The following ACSBG2 variants were observed in gnomAD, a reference collection of about 807,000 sequenced individuals.
ACSBG2 encodes acyl-CoA synthetase bubblegum family member 2, also known as long-chain-fatty-acid--CoA ligase ACSBG2.
ACSBG2 carries 62 observed loss-of-function variants against 74.7 expected under a neutral mutation model. That is an observed-to-expected ratio of 0.83 (90% confidence interval 0.68 to 1.03). The LOEUF is 1.03. ACSBG2 is among the 50% of genes least tolerant of loss of function. The pLI, the probability that ACSBG2 is intolerant of heterozygous loss-of-function variation, is 0.00. For synonymous variants in ACSBG2, 309 were observed against 294.1 expected (o/e 1.05, Z -0.52); for missense variants, 730 against 817.6 (o/e 0.89, Z 1.31).
chr19:6,184,832 GAAAAAAAAAAAAAAAAAAA>G (rs371866289), intron 10 of ACSBG2, among the ~76,000 whole-genome samples: 56 of 13,532 alleles, frequency 4.1e-3, no homozygotes, highest in East Asian at 8.7e-3. Flanking sequence ...ATGTGGAGAT[GAAAAAAAAAAAAAAAAAAA>G]AAAAAAAAAA....
At chr19:6,163,699 G>A (rs1307049531) in intron 6 of ACSBG2, among the ~76,000 whole-genome samples, 1 of 150,676 alleles carries the variant, frequency 6.6e-6, no homozygotes, top group East Asian at 2.0e-4. Context: ...CAAGAGCAGT[G>A]AGCGGAGATC....
At chr19:6,162,918 G>A (rs1294809233) in intron 6 of ACSBG2, among the ~76,000 whole-genome samples, 5 of 151,864 alleles carry the variant, frequency 3.3e-5, no homozygotes, top group Admixed American at 2.0e-4. Flanking sequence ...GGTTGAAGAC[G>A]CTAATTTATA....
At chr19:6,150,340 CA>C (rs780596761) in intron 3 of ACSBG2, among the ~76,000 whole-genome samples, 208 of 68,386 alleles carry the variant, frequency 3.0e-3, no homozygotes, top group East Asian at 0.028. Context: ...GGATATTTAA[CA>C]AAAAAAAAAA....
chr19:6,165,892 AAG>A lies in ACSBG2; in HGVS notation c.616_617del (p.Ser206TyrfsTer3). ...GGGATGATTTCATGGAACTTGGCAG[AAG>A]TATCCCTGACACCCAACTGGAGCAG... is the stretch of plus-strand genomic sequence containing the variant. ...SWDDFMELGR[S>X]IPDTQLEQVI... On this transcript the variant is annotated frameshift_variant, in exon 7 of 15. Coordinates refer to ENST00000588485, the MANE Select transcript of ACSBG2 (RefSeq NM_030924.5). LOFTEE classifies it high-confidence loss of function. The A allele has an allele frequency of 6.2e-7, 1 of 1,614,118 alleles. No individual in the cohort carries two copies.
At chr19:6,190,255 T>C (rs1016348733) in intron 13 of ACSBG2, 4 of 244,922 alleles carry the variant, frequency 1.6e-5, no homozygotes, top group Non-Finnish European at 3.3e-5. Context: ...GTCCTCTCTA[T>C]GCCCCAGTTT....
chr19:6,181,970 G>T (rs1415014883), intron 8 of ACSBG2, among the ~76,000 whole-genome samples: 1 of 152,074 alleles, frequency 6.6e-6, no homozygotes, highest in Admixed American at 6.6e-5. Flanking sequence ...TTGATAGCAG[G>T]ATGGCTAACG....
intron 7 of ACSBG2, among the ~76,000 whole-genome samples, chr19:6,173,850 G>GC (rs577383209): frequency 3.3e-5 from 5 of 152,048 alleles, no homozygotes; most frequent in African/African-American, 1.2e-4. Context: ...TGTCAGCCAC[G>GC]CTGAGCCCAA....
chr19:6,163,662 T>C (rs1372527083), intron 6 of ACSBG2, among the ~76,000 whole-genome samples: 3 of 150,072 alleles, frequency 2.0e-5, no homozygotes, highest in Non-Finnish European at 4.4e-5. Context: ...AATCACTTGA[T>C]CCCAAGAGGC....
intron 7 of ACSBG2, among the ~76,000 whole-genome samples, chr19:6,173,046 G>A (rs1334046746): frequency 3.3e-5 from 5 of 152,144 alleles, no homozygotes; most frequent in Non-Finnish European, 5.9e-5. Flanking sequence ...CCTTCTCCAT[G>A]TCTTTTCCCA....
intron 4 of ACSBG2, among the ~76,000 whole-genome samples, chr19:6,152,438 C>T (rs2089272827): frequency 1.3e-5 from 1 of 75,138 alleles, no homozygotes; most frequent in East Asian, 4.2e-4. Flanking sequence ...CTACAGGCGC[C>T]CGCCACCGCG....
At chr19:6,166,280 T>TTTGTGTGTGTGTGTGTGTGTGTGTG (rs1555694318) in intron 7 of ACSBG2, among the ~76,000 whole-genome samples, 2 of 119,094 alleles carry the variant, frequency 1.7e-5, no homozygotes, top group African/African-American at 7.5e-5. Flanking sequence ...GTCAGGAAGG[T>TTTGTGTGTGTGTGTGTGTGTGTGTG]TGTGTGTGTG....
In ACSBG2 at chr19:6,180,142, T is replaced by C. The variant is rs529454453; in HGVS notation, c.907-2609T>C. Among the ~76,000 whole-genome samples the C allele has an allele frequency of 8.6e-5, 13 of 152,022 alleles. No individual in the cohort carries two copies. Among genetic ancestry groups the C allele is most frequent in the Admixed American group, 3.3e-4 (5 of 15,264 alleles). Reference sequence around the variant, plus strand: ...CTCTTATAAGGACCCTGTGATGACATTGGGCCACCCAGATCATCCAGGATG... The same window carrying C: ...CTCTTATAAGGACCCTGTGATGACACTGGGCCACCCAGATCATCCAGGATG... On this transcript the variant is annotated intron_variant, in intron 8 of 14. Coordinates refer to ENST00000588485, the MANE Select transcript of ACSBG2 (RefSeq NM_030924.5). This position sits in a 1 kb window ranked among gnomAD's most constrained non-coding sequence, Gnocchi z 4.3.
intron 1 of ACSBG2, among the ~76,000 whole-genome samples, chr19:6,138,786 T>C (rs1242880150): frequency 8.2e-6 from 1 of 121,370 alleles, no homozygotes; most frequent in Non-Finnish European, 1.7e-5. Context: ...AAGAAGGAAG[T>C]AGAAAGGAGG....
At chr19:6,161,321 G>T in intron 6 of ACSBG2, 26 bp downstream of exon 6, 1 of 1,589,192 alleles carries the variant, frequency 6.3e-7, no homozygotes, top group Non-Finnish European at 8.6e-7. Flanking sequence ...GGGCACTGGG[G>T]AAAGGGGAGG....
chr19:6,150,814 C>T (rs2089210726), intron 3 of ACSBG2, among the ~76,000 whole-genome samples: 1 of 152,066 alleles, frequency 6.6e-6, no homozygotes, highest in African/African-American at 2.4e-5. Context: ...CACTAAACTA[C>T]ACTCTTAAAA....
chr19:6,140,139 G>C (rs1201637059), intron 1 of ACSBG2, among the ~76,000 whole-genome samples: 1 of 151,582 alleles, frequency 6.6e-6, no homozygotes, highest in Non-Finnish European at 1.5e-5. Flanking sequence ...GCAGGAGAAT[G>C]GCGTGAACCC....
chr19:6,176,956 G>T (rs1366697664), intron 7 of ACSBG2, among the ~76,000 whole-genome samples: 1 of 151,900 alleles, frequency 6.6e-6, no homozygotes, highest in East Asian at 1.9e-4. Context: ...AGGAGTTTGA[G>T]GCCAAGCTGG....
At chr19:6,147,297 C>T (rs1484110042) in intron 2 of ACSBG2, 149 bp from the exon 3 acceptor site, 2 of 626,272 alleles carry the variant, frequency 3.2e-6, no homozygotes, top group African/African-American at 3.7e-5. Flanking sequence ...GGAAGCTTGT[C>T]TTGCCAGTGT....
At chr19:6,158,954 TTTTG>T (rs1301424489) in intron 5 of ACSBG2, among the ~76,000 whole-genome samples, 2 of 152,080 alleles carry the variant, frequency 1.3e-5, no homozygotes. Context: ...TCTTTTCTTT[TTTTG>T]TTTGTTTTTT....
Sources: allele counts gnomAD v4.1 joint callset (sites outside exome capture counted in the v4.1 genomes callset), GRCh38; gene constraint gnomAD v4.1.1; non-coding constraint Gnocchi (gnomAD v3.1); transcripts MANE v1.5; gene names NCBI Gene and HGNC (gene_info 2026-07-23, HGNC 2026-07-21).